The following SLC25A12 variants were observed in gnomAD, a reference collection of about 807,000 sequenced individuals.
The protein encoded by SLC25A12 is electrogenic aspartate/glutamate antiporter SLC25A12, mitochondrial.
In SLC25A12, 32 loss-of-function variants were observed where a neutral mutation model predicts 83.3. The ratio of observed to expected loss-of-function variants is 0.38; its 90% CI spans 0.29 to 0.52. The LOEUF (loss-of-function observed/expected upper bound fraction) is 0.52. Ranked by LOEUF, SLC25A12 falls within the 20% of genes least tolerant of loss-of-function variation. The probability of loss-of-function intolerance (pLI) is 0.84; values close to 1 mark genes in which losing one functional copy is unlikely to be tolerated. For synonymous variants in SLC25A12, 267 were observed against 291.1 expected (o/e 0.92, Z 0.84); for missense variants, 611 against 835.6 (o/e 0.73, Z 3.31).
intron 11 of SLC25A12, 61 bp from the exon 12 acceptor site, chr2:171,810,337 A>C: frequency 7.7e-7 from 1 of 1,296,772 alleles, no homozygotes; most frequent in Non-Finnish European, 1.1e-6. Flanking sequence ...ACACAAGCCC[A>C]GCAACAAAGA....
At chr2:171,817,156 G>A (rs1684069997) in intron 9 of SLC25A12, among the ~76,000 whole-genome samples, 1 of 152,088 alleles carries the variant, frequency 6.6e-6, no homozygotes, top group African/African-American at 2.4e-5. Context: ...CTAGCCTCTA[G>A]AACTATGAGA....
intron 3 of SLC25A12, among the ~76,000 whole-genome samples, chr2:171,865,755 A>G (rs1262255578): frequency 1.3e-5 from 2 of 152,056 alleles, no homozygotes; most frequent in Non-Finnish European, 2.9e-5. Flanking sequence ...TGTGGTTTAA[A>G]AATTATTGGC....
intron 2 of SLC25A12, among the ~76,000 whole-genome samples, chr2:171,892,628 T>C (rs548236287): frequency 1.4e-4 from 21 of 152,292 alleles, no homozygotes; most frequent in Non-Finnish European, 2.4e-4. Flanking sequence ...TTCTTTTTTC[T>C]TTTCTTTTTA....
At chr2:171,842,343 A>G (rs10179020) in intron 5 of SLC25A12, among the ~76,000 whole-genome samples, 123,912 of 151,994 alleles carry the variant, frequency 0.82, 51,664 homozygotes, top group East Asian at 0.91. Flanking sequence ...CTATAATGCC[A>G]GCACTTTGGG....
chr2:171,813,434 C>A lies in SLC25A12; in HGVS notation c.1076G>T (p.Gly359Val). The part of the protein sequence containing the change: ...LVKTRMQNQR[G>V]SGSVVGELMY... Reference sequence around the variant, plus strand: ...TAGCTCCCCAACAACAGAGCCAGAGCCACGCTGGTTTTGCATTCGGGTCTT... The same window carrying A: ...TAGCTCCCCAACAACAGAGCCAGAGACACGCTGGTTTTGCATTCGGGTCTT... The change falls in exon 11 of 18, where the codon GGC (glycine) becomes GTC (valine). Residue 359 changes from glycine to valine, a missense_variant. Physicochemically the swap from Gly to Val is moderately radical, Grantham distance 109. Around this residue, in one of 3 missense-constraint regions of SLC25A12, gnomAD observed 540 missense variants for 777.5 expected, o/e 0.69. Transcript: ENST00000422440. 6.2e-7 allele frequency: 1 copy of A among 1,614,052 alleles called. No homozygotes were observed. The highest frequency in any genetic ancestry group is 8.5e-7 in the Non-Finnish European group (1 of 1,179,958).
At chr2:171,854,080 T>C (rs1347523128) in intron 4 of SLC25A12, among the ~76,000 whole-genome samples, 2 of 152,228 alleles carry the variant, frequency 1.3e-5, no homozygotes, top group African/African-American at 4.8e-5. Context: ...GCATGTGTGA[T>C]ACCTACTGAA....
chr2:171,810,257 T>C lies in SLC25A12; in HGVS notation c.1191A>G (p.Ile397Met), dbSNP rs1683921114. ...TAATGGCCTTTTCTGGAGCAACCCC[T>C]ATAAGTTGTGGTATCAGACCTAGGT... ...GLYRGLIPQL[I>M]GVAPEKAIKL... The change falls in exon 12 of 18, where the codon ATA (isoleucine) becomes ATG (methionine). Residue 397 changes from isoleucine (I) to methionine (M), a missense_variant. Ile to Met is a conservative substitution (Grantham distance 10). This residue lies in a region of SLC25A12 where 540 missense variants were observed against 777.5 expected (regional missense o/e 0.69). Coordinates refer to ENST00000422440, the MANE Select transcript of SLC25A12 (RefSeq NM_003705.5). The C allele has an allele frequency of 6.2e-7, 1 of 1,613,614 alleles. No homozygotes were observed. The highest frequency in any genetic ancestry group is 8.5e-7 in the Non-Finnish European group (1 of 1,179,558).
At chr2:171,812,492 A>T (rs931813833) in intron 11 of SLC25A12, among the ~76,000 whole-genome samples, 2 of 152,206 alleles carry the variant, frequency 1.3e-5, no homozygotes, top group Non-Finnish European at 2.9e-5. Flanking sequence ...TTTTCATAGA[A>T]TCCCAAGTGG....
Position 171,787,800 on chromosome 2 carries a change from T to C in SLC25A12, c.1733A>G (p.Lys578Arg). 1 of 1,614,158 alleles carries C rather than the reference T, an allele frequency of 6.2e-7. No homozygotes were observed. The highest frequency in any genetic ancestry group is 1.1e-5 in the South Asian group (1 of 91,076). Residue 578 changes from lysine (K) to arginine (R), a missense_variant, in exon 16 of 18, where the codon AAA becomes AGA. Lys to Arg is a conservative substitution (Grantham distance 26). This residue lies in a region of SLC25A12 where 540 missense variants were observed against 777.5 expected (regional missense o/e 0.69). Transcript: ENST00000422440. The stretch of plus-strand genomic sequence containing the variant: ...CAGCCCCTGCCTACCTGCAGTCCCT[T>C]TCCAAAATGCTGAGGGCCCTTCTTC... ...LREEGPSAFWKGTAARVFRSS... is the reference protein window; with the variant it reads ...LREEGPSAFWRGTAARVFRSS...
intron 4 of SLC25A12, chr2:171,848,282 G>A: frequency 2.1e-6 from 1 of 471,088 alleles, no homozygotes; most frequent in Non-Finnish European, 4.4e-6. Flanking sequence ...TCCTCCTGTA[G>A]GTATACAAGC....
intron 9 of SLC25A12, among the ~76,000 whole-genome samples, chr2:171,821,295 G>A (rs1684186929): frequency 6.6e-6 from 1 of 151,954 alleles, no homozygotes; most frequent in African/African-American, 2.4e-5. Flanking sequence ...GGGATTACAG[G>A]TGTGAGCCAC....
At chr2:171,805,515 T>C (rs563878950) in intron 13 of SLC25A12, among the ~76,000 whole-genome samples, 40 of 152,330 alleles carry the variant, frequency 2.6e-4, no homozygotes, top group Non-Finnish European at 4.7e-4. Flanking sequence ...TGAAAGAATA[T>C]GGATTTGGAG....
chr2:171,796,573 G>A (rs1372222806), intron 13 of SLC25A12, among the ~76,000 whole-genome samples: 1 of 152,230 alleles, frequency 6.6e-6, no homozygotes, highest in South Asian at 2.1e-4. Flanking sequence ...CAAGACTGAG[G>A]CAGGAGGATT....
At chr2:171,836,380 G>T (rs756572405) in intron 6 of SLC25A12, among the ~76,000 whole-genome samples, 9 of 152,152 alleles carry the variant, frequency 5.9e-5, no homozygotes, top group Non-Finnish European at 1.3e-4. Context: ...AAGAAAACGG[G>T]TAAGTGAGGA....
At chr2:171,813,633 T>A in intron 10 of SLC25A12, 136 bp from the exon 11 acceptor site, 1 of 1,026,060 alleles carries the variant, frequency 9.7e-7, no homozygotes, top group South Asian at 1.4e-5. Context: ...TTATTATTTT[T>A]CTTTCCCTCA....
Position 171,809,671 on chromosome 2 carries a change from G to C in SLC25A12, c.1240C>G (p.Arg414Gly). The change falls in exon 13 of 18, where the codon CGG becomes GGG. Residue 414 changes from arginine to glycine, a missense_variant. Arg to Gly is a moderately radical substitution (Grantham distance 125). Coordinates refer to ENST00000422440, the MANE Select transcript of SLC25A12 (RefSeq NM_003705.5). ...AIKLTVNDFV[R>G]DKFTRRDGSV... ...CCATCTCTTCTGGTAAATTTGTCCC[G>C]AACAAAATCATTAACCTAATTAGAA... 1 of 1,613,522 alleles carries C rather than the reference G, an allele frequency of 6.2e-7. No homozygotes were observed. The highest frequency in any genetic ancestry group is 1.1e-5 in the South Asian group (1 of 91,058).
At chr2:171,834,116 T>C in intron 7 of SLC25A12, 60 bp from the exon 8 acceptor site, 5 of 931,908 alleles carry the variant, frequency 5.4e-6, no homozygotes, top group South Asian at 4.0e-5. Context: ...AACAAAGTTC[T>C]ACCTTCACCA....
At chr2:171,872,356 T>C (rs1685474128) in intron 2 of SLC25A12, among the ~76,000 whole-genome samples, 1 of 152,140 alleles carries the variant, frequency 6.6e-6, no homozygotes, top group African/African-American at 2.4e-5. Context: ...GTAAGTAGAT[T>C]CCATCAATTC....
intron 9 of SLC25A12, among the ~76,000 whole-genome samples, chr2:171,820,409 GA>G (rs1341213550): frequency 1.6e-4 from 24 of 151,960 alleles, no homozygotes; most frequent in African/African-American, 5.1e-4. Flanking sequence ...CCATACAGTT[GA>G]AAAAAGTAAT....
Sources: allele counts gnomAD v4.1 joint callset (sites outside exome capture counted in the v4.1 genomes callset), GRCh38; gene constraint gnomAD v4.1.1; regional missense constraint gnomAD v4.1.1; transcripts MANE v1.5; gene names NCBI Gene and HGNC (gene_info 2026-07-23, HGNC 2026-07-21).